The following SYDE2 variants were observed in gnomAD, a reference collection of about 807,000 sequenced individuals.
SYDE2 encodes synapse defective Rho GTPase homolog 2.
SYDE2 carries 76 observed loss-of-function variants against 91.5 expected under a neutral mutation model. That is an observed-to-expected ratio of 0.83 (90% CI 0.69 to 1.01). The LOEUF is 1.01. Ranked by LOEUF, SYDE2 falls within the 50% of genes least tolerant of loss-of-function variation. The pLI, the probability that SYDE2 is intolerant of heterozygous loss-of-function variation, is 0.00. For missense variants in SYDE2, 1,364 were observed against 1,367.7 expected (o/e 1.00, Z 0.04); for synonymous variants, 513 against 506.4 (o/e 1.01, Z -0.18).
chr1:85,158,501 T>C lies in SYDE2; in HGVS notation c.*249A>G, dbSNP rs1452394404. ...TAAGTGCATTTGAAAGTTATCTCCA[T>C]AGAGTTGGCAAGATTTAGTAAAATA... On this transcript the variant is annotated 3_prime_UTR_variant, in exon 7 of 7. Coordinates refer to ENST00000341460, the MANE Select transcript of SYDE2 (RefSeq NM_032184.2). The C allele has an allele frequency of 7.6e-6, 3 of 397,050 alleles. No homozygotes were observed. Among genetic ancestry groups the C allele is most frequent in the Non-Finnish European group, 1.3e-5 (3 of 227,860 alleles). 24.6% of individuals were successfully genotyped at this position (397,050 alleles called of 1,614,324 possible).
At chr1:85,188,023 T>C (rs1658221013) in intron 2 of SYDE2, among the ~76,000 whole-genome samples, 1 of 151,712 alleles carries the variant, frequency 6.6e-6, no homozygotes, top group Non-Finnish European at 1.5e-5. Flanking sequence ...ATAATTAAAT[T>C]AAATTAAAAA....
intron 1 of SYDE2, chr1:85,194,759 T>C: frequency 1.1e-6 from 1 of 915,938 alleles, no homozygotes. Context: ...TCTCAACTAT[T>C]ATTTCATAAT....
At chr1:85,189,014 T>A (rs1021510329) in intron 2 of SYDE2, among the ~76,000 whole-genome samples, 5 of 152,222 alleles carry the variant, frequency 3.3e-5, no homozygotes, top group Non-Finnish European at 7.3e-5. Context: ...CAAGCAAATG[T>A]GCCTTATGTT....
chr1:85,182,424 G>C lies in SYDE2; in HGVS notation c.2218C>G (p.Gln740Glu), dbSNP rs759807202. The C allele has an allele frequency of 6.2e-7, 1 of 1,613,548 alleles. No homozygotes were observed. ...HTFNIEIENA[Q>E]HLKLVVFSWE... is the part of the protein sequence containing the mutation. ...CTGAATACTACTAGTTTCAAATGTTGTGCATTTTCAATTTCTATGTTGAAA... is the reference window on the plus strand; with the variant it reads ...CTGAATACTACTAGTTTCAAATGTTCTGCATTTTCAATTTCTATGTTGAAA... Residue 740 changes from glutamine to glutamate, a missense_variant, in exon 3 of 7, where the codon CAA (glutamine) becomes GAA (glutamate). By Grantham distance (29) the Gln-to-Glu change is conservative. Coordinates refer to ENST00000341460, the MANE Select transcript of SYDE2 (RefSeq NM_032184.2).
At chr1:85,165,928 C>T (rs1182911575) in intron 5 of SYDE2, among the ~76,000 whole-genome samples, 1 of 129,000 alleles carries the variant, frequency 7.8e-6, no homozygotes, top group Admixed American at 9.1e-5. Flanking sequence ...GGCTGGAGTA[C>T]AGTAGCATGA....
Position 85,190,734 on chromosome 1 carries a change from T to C in SYDE2, c.764A>G (p.Tyr255Cys), listed in dbSNP as rs1658334194. ...ITLTDLFENA[Y>C]GSSMKGRELE... Reference sequence around the variant, plus strand: ...TTCTCTTCCCTTCATTGAAGACCCATAGGCATTTTCAAATAAATCTGTTGC... The same window carrying C: ...TTCTCTTCCCTTCATTGAAGACCCACAGGCATTTTCAAATAAATCTGTTGC... Residue 255 changes from tyrosine to cysteine, a missense_variant, in exon 2 of 7, where the codon TAT (tyrosine) becomes TGT (cysteine). By Grantham distance (194) the Tyr-to-Cys change is radical (BLOSUM62 -2). Transcript: ENST00000341460. The C allele has an allele frequency of 3.8e-6, 6 of 1,598,142 alleles. No homozygotes were observed. The highest frequency in any genetic ancestry group is 1.7e-4 in the Middle Eastern group (1 of 5,962).
rs534267543 is a variant in SYDE2, at chr1:85,169,308, T to A, written c.2672-83A>T. The A allele has an allele frequency of 3.9e-6, 4 of 1,019,170 alleles. No individual in the cohort carries two copies. In the East Asian group the frequency reaches 7.6e-5, roughly 19 times the overall value. The allele number at this position is 1,019,170 out of a possible 1,614,324, so 63.1% of individuals were successfully genotyped here. ...TATGGTCAATTTTTTAAAATTTAAG[T>A]ATTATAGCCAACTTTCAACATTTTG... On this transcript the variant is annotated intron_variant, in intron 4 of 6. Transcript: ENST00000341460.
chr1:85,159,024 TTTGTATTTAAAAAG>T lies in SYDE2; in HGVS notation c.3297_3310del (p.Tyr1099Ter). 1 of 780,834 alleles carries T rather than the reference TTTGTATTTAAAAAG, an allele frequency of 1.3e-6. No homozygotes were observed. The highest frequency in any genetic ancestry group is 2.4e-6 in the Non-Finnish European group (1 of 417,970). The allele number at this position is 780,834 out of a possible 1,614,324, so 48.4% of individuals were successfully genotyped here. On this transcript the variant is annotated stop_gained and frameshift_variant, in exon 7 of 7. Transcript: ENST00000341460. LOFTEE classifies it high-confidence loss of function. ...ATAATCCACATCATTTAAATTTTCT[TTTGTATTTAAAAAG>T]TAGTTTTCCCCACAGCTGCTCCAGT... is the stretch of plus-strand genomic sequence containing the variant.
intron 6 of SYDE2, chr1:85,160,252 T>C (rs1012107947): frequency 3.1e-5 from 30 of 963,030 alleles, no homozygotes; most frequent in Non-Finnish European, 3.5e-5. Flanking sequence ...TTGTTTGCTG[T>C]TGTATAAAAT....
chr1:85,189,066 C>T (rs1658261308), intron 2 of SYDE2, among the ~76,000 whole-genome samples: 1 of 152,140 alleles, frequency 6.6e-6, no homozygotes, highest in Non-Finnish European at 1.5e-5. Context: ...AGAAGCACAT[C>T]AGAAAATTAA....
rs1438249530 is a variant in SYDE2 at position 85,190,630 on chromosome 1, A to G, written c.868T>C (p.Trp290Arg). 6.2e-7 allele frequency: 1 copy of G among 1,613,920 alleles called. No individual in the cohort carries two copies. The highest frequency in any genetic ancestry group is 8.5e-7 in the Non-Finnish European group (1 of 1,179,866). ...GGCCTCAGAGTACTCTGATATAGCC[A>G]ATTGCGTTTCTTTGAAACAGTGATG... ...NSITVSKKRNWLYQSTLRPLN... is the reference protein window; with the variant it reads ...NSITVSKKRNRLYQSTLRPLN... The change falls in exon 2 of 7, where the codon TGG becomes CGG. Residue 290 changes from tryptophan (W) to arginine (R), a missense_variant. Physicochemically the swap from Trp to Arg is moderately radical, Grantham distance 101. Transcript: ENST00000341460.
chr1:85,197,171 T>G (rs1658618127), intron 1 of SYDE2, among the ~76,000 whole-genome samples: 1 of 152,166 alleles, frequency 6.6e-6, no homozygotes. Flanking sequence ...TGTAATGACT[T>G]TAGATTTCTG....
chr1:85,192,478 A>G (rs1020136629), intron 1 of SYDE2, among the ~76,000 whole-genome samples: 1 of 152,184 alleles, frequency 6.6e-6, no homozygotes, highest in Admixed American at 6.5e-5. Context: ...AAGCAGATTA[A>G]TAATAAATAA....
chr1:85,178,871 T>A (rs1390652683), intron 3 of SYDE2, among the ~76,000 whole-genome samples: 1 of 151,912 alleles, frequency 6.6e-6, no homozygotes, highest in Non-Finnish European at 1.5e-5. Context: ...TGGAGGAAAT[T>A]TAAAATAATA....
chr1:85,192,751 G>A (rs889762683), intron 1 of SYDE2, among the ~76,000 whole-genome samples: 1 of 152,080 alleles, frequency 6.6e-6, no homozygotes, highest in Non-Finnish European at 1.5e-5. Context: ...GAGAAATATG[G>A]TCAAGTCGCT....
At chr1:85,194,810 G>A (rs1658515317) in intron 1 of SYDE2, 3 of 984,310 alleles carry the variant, frequency 3.0e-6, no homozygotes, top group Non-Finnish European at 2.4e-6. Context: ...AGTGCCCCCA[G>A]CTCAAATGCC....
chr1:85,184,498 C>T (rs903919661), intron 2 of SYDE2, among the ~76,000 whole-genome samples: 1 of 152,102 alleles, frequency 6.6e-6, no homozygotes, highest in Non-Finnish European at 1.5e-5. Flanking sequence ...GCTTGAGAAA[C>T]AATACTACCC....
chr1:85,170,846 T>C (rs1657478317), intron 4 of SYDE2, among the ~76,000 whole-genome samples: 1 of 152,242 alleles, frequency 6.6e-6, no homozygotes, highest in Non-Finnish European at 1.5e-5. Flanking sequence ...ACTAGAATTG[T>C]TTCTTATCTT....
At chr1:85,180,928 T>A (rs1245060269) in intron 3 of SYDE2, among the ~76,000 whole-genome samples, 1 of 151,932 alleles carries the variant, frequency 6.6e-6, no homozygotes, top group African/African-American at 2.4e-5. Flanking sequence ...TGAAAAAAGA[T>A]AAAAGAAAAA....
Sources: allele counts gnomAD v4.1 joint callset (sites outside exome capture counted in the v4.1 genomes callset), GRCh38; gene constraint gnomAD v4.1.1; transcripts MANE v1.5; gene names NCBI Gene and HGNC (gene_info 2026-07-23, HGNC 2026-07-21).